Variants in CSMD3 observed in about 807,000 individuals in gnomAD.
CSMD3 encodes the protein CUB and Sushi multiple domains 3.
CSMD3 carries 177 observed loss-of-function variants against 435.2 expected under a neutral mutation model. That is an observed-to-expected ratio of 0.41 (90% confidence interval 0.36 to 0.46). The LOEUF (loss-of-function observed/expected upper bound fraction) is 0.46, where lower values mean the gene tolerates loss of function less well. Among genes scored for constraint, CSMD3 ranks in the 20% least tolerant of loss-of-function variants. The probability of loss-of-function intolerance (pLI) is 0.34; values close to 1 mark genes in which losing one functional copy is unlikely to be tolerated. For missense variants in CSMD3, 4,265 were observed against 4,504.6 expected, an observed-to-expected ratio of 0.95 and a Z score of 1.52; for synonymous variants, 1,656 against 1,520.5, an observed-to-expected ratio of 1.09 and a Z score of -2.07.
chr8:112,921,527 G>T (rs1345778602), intron 10 of CSMD3, 100 bp downstream of exon 10: 3 of 1,020,512 alleles, frequency 2.9e-6, no homozygotes, highest in Non-Finnish European at 3.1e-6. Flanking sequence ...TTTCCTTAAA[G>T]ATTATATTAC....
At chr8:112,640,081 G>A (rs1200766103) in intron 20 of CSMD3, among the ~76,000 whole-genome samples, 1 of 151,950 alleles carries the variant, frequency 6.6e-6, no homozygotes, top group East Asian at 1.9e-4. Flanking sequence ...GAAAATCTGG[G>A]GCTTTTTAAT....
intron 11 of CSMD3, among the ~76,000 whole-genome samples, chr8:112,832,933 A>G (rs1003018157): frequency 5.9e-5 from 9 of 152,076 alleles, no homozygotes; most frequent in Admixed American, 1.3e-4. Flanking sequence ...TCTTTCTCCA[A>G]TGATCAGCAA....
intron 10 of CSMD3, among the ~76,000 whole-genome samples, chr8:112,914,493 C>T (rs1332220380): frequency 6.6e-6 from 1 of 151,534 alleles, no homozygotes; most frequent in East Asian, 2.0e-4. Flanking sequence ...ACAAAAATTA[C>T]TGTAAGACAA....
At chr8:112,386,210 C>T (rs994325073) in intron 36 of CSMD3, among the ~76,000 whole-genome samples, 1 of 152,070 alleles carries the variant, frequency 6.6e-6, no homozygotes, top group African/African-American at 2.4e-5. Context: ...TGCAGTAAAG[C>T]TGATTTTGGA....
chr8:112,579,167 T>C (rs1171016394), intron 23 of CSMD3, among the ~76,000 whole-genome samples: 5 of 152,078 alleles, frequency 3.3e-5, no homozygotes, highest in African/African-American at 4.8e-5. Context: ...GTAAATGATA[T>C]GAGCAACTAA....
chr8:112,613,496 A>G (rs1202592548), intron 22 of CSMD3, among the ~76,000 whole-genome samples: 1 of 152,190 alleles, frequency 6.6e-6, no homozygotes, highest in Non-Finnish European at 1.5e-5. Context: ...AATAAAAATA[A>G]TAATCACATA....
chr8:112,423,071 A>G (rs1176397153), intron 32 of CSMD3, among the ~76,000 whole-genome samples: 5 of 152,190 alleles, frequency 3.3e-5, no homozygotes, highest in Non-Finnish European at 1.5e-5. Flanking sequence ...GAACACATTG[A>G]TTTGCACTAG....
rs2084833772 is a variant in CSMD3, at chr8:112,976,007, G to A, written c.1172C>T (p.Ser391Phe). The change falls in exon 7 of 71, where the codon TCC becomes TTC. Residue 391 changes from serine (S) to phenylalanine (F), a missense_variant. Ser to Phe is a radical substitution (Grantham distance 155, BLOSUM62 -2). Around this residue, in one of 3 missense-constraint regions of CSMD3, gnomAD observed 731 missense variants for 755.4 expected, o/e 0.97. Coordinates refer to ENST00000297405, the MANE Select transcript of CSMD3 (RefSeq NM_198123.2). ...SVTAVTIHRLSEEQRVQVTSL... is the reference protein window; with the variant it reads ...SVTAVTIHRLFEEQRVQVTSL... ...CGTAACTTGCACTCGCTGTTCCTCG[G>A]AAAGTCTATGGATGGTGACAGCTGT... The A allele has an allele frequency of 6.2e-7, 1 of 1,614,002 alleles. No individual in the cohort carries two copies.
chr8:113,318,943 A>T (rs1003704841), intron 1 of CSMD3, among the ~76,000 whole-genome samples: 1 of 151,910 alleles, frequency 6.6e-6, no homozygotes, highest in Non-Finnish European at 1.5e-5. Flanking sequence ...TTATCAATTT[A>T]TCTCTCAACG....
At chr8:112,778,163 A>G (rs537430273) in intron 13 of CSMD3, among the ~76,000 whole-genome samples, 60 of 151,922 alleles carry the variant, frequency 3.9e-4, no homozygotes, top group African/African-American at 1.3e-3. Flanking sequence ...AACTACCAAC[A>G]TCCCACACTA....
In CSMD3 at chr8:112,521,283, G is replaced by T. The variant is rs145874336; in HGVS notation, c.4565-4058C>A. Among the ~76,000 whole-genome samples, 540 of 151,892 alleles carry T rather than the reference G, an allele frequency of 3.6e-3. 1 individual carries two copies. Among genetic ancestry groups the T allele is most frequent in the African/African-American group, 0.013 (519 of 41,494 alleles). ...TCCTGAGAGAAGTTTCTATACAATT[G>T]TCTCCAGTTTTATCGTCAGTCTTTC... On this transcript the variant is annotated intron_variant, in intron 27 of 70. Transcript: ENST00000297405.
intron 3 of CSMD3, among the ~76,000 whole-genome samples, chr8:113,259,277 C>T (rs2093407784): frequency 6.6e-6 from 1 of 152,018 alleles, no homozygotes; most frequent in Admixed American, 6.6e-5. Flanking sequence ...TTCATTTTCC[C>T]ATGTTTGCAC....
intron 10 of CSMD3, among the ~76,000 whole-genome samples, chr8:112,874,720 C>T (rs530582852): frequency 6.6e-6 from 1 of 152,084 alleles, no homozygotes; most frequent in Non-Finnish European, 1.5e-5. Context: ...GCTAGGATTG[C>T]AACCCCTGCT....
At chr8:112,856,963 G>A (rs140842553) in intron 11 of CSMD3, among the ~76,000 whole-genome samples, 82 of 151,848 alleles carry the variant, frequency 5.4e-4, no homozygotes, top group African/African-American at 1.8e-3. Context: ...AACTGTTAGG[G>A]CATCATGAAA....
intron 10 of CSMD3, among the ~76,000 whole-genome samples, chr8:112,870,878 G>A (rs1441554171): frequency 7.2e-6 from 1 of 139,000 alleles, no homozygotes; most frequent in Admixed American, 7.1e-5. Flanking sequence ...TGCAATGGGA[G>A]TAAGTAATAG....
chr8:113,148,534 G>A (rs987831763), intron 4 of CSMD3, among the ~76,000 whole-genome samples: 1 of 151,650 alleles, frequency 6.6e-6, no homozygotes, highest in Middle Eastern at 3.2e-3. Context: ...GAATATTCCT[G>A]TTGTGTTCAC....
intron 6 of CSMD3, among the ~76,000 whole-genome samples, chr8:112,991,978 G>A (rs968871435): frequency 2.0e-5 from 3 of 151,778 alleles, no homozygotes; most frequent in Non-Finnish European, 4.4e-5. Flanking sequence ...TGATATTTTA[G>A]TGAGCAGGTG....
chr8:112,353,526 A>T (rs1338334056), intron 38 of CSMD3, among the ~76,000 whole-genome samples: 3 of 152,216 alleles, frequency 2.0e-5, no homozygotes, highest in Non-Finnish European at 4.4e-5. Context: ...TTATTAGGTA[A>T]GAACTTATTT....
chr8:113,114,291 G>A (rs778298873), intron 4 of CSMD3, among the ~76,000 whole-genome samples: 3 of 152,082 alleles, frequency 2.0e-5, no homozygotes, highest in Non-Finnish European at 2.9e-5. Context: ...GAAAAGAAGC[G>A]AGACCAGTCA....
Sources: gnomAD v4.1 joint callset for allele counts (sites outside exome capture counted in the v4.1 genomes callset) on GRCh38, gnomAD v4.1.1 for gene constraint, gnomAD v4.1.1 regional missense constraint, MANE v1.5 for transcripts, NCBI Gene and HGNC (gene_info 2026-07-23, HGNC 2026-07-21) for gene names.